The following FLT1 variants were observed in gnomAD, a reference collection of about 807,000 sequenced individuals.
The protein encoded by FLT1 is vascular endothelial growth factor receptor 1.
FLT1 carries 49 observed loss-of-function variants against 156.3 expected under a neutral mutation model. The observed-to-expected ratio is 0.31, with a 90% CI of 0.25 to 0.40. The LOEUF is 0.40. FLT1 is among the 10% of genes least tolerant of loss of function. The pLI is 1.00. For missense variants in FLT1, 1,322 were observed against 1,637.2 expected, an observed-to-expected ratio of 0.81 and a Z score of 3.32; for synonymous variants, 594 against 583.8, an observed-to-expected ratio of 1.02 and a Z score of -0.25.
At chr13:28,436,591 C>T (rs945556525) in intron 4 of FLT1, among the ~76,000 whole-genome samples, 5 of 152,128 alleles carry the variant, frequency 3.3e-5, no homozygotes, top group East Asian at 1.9e-4. Flanking sequence ...TCTGCATTAG[C>T]GCTCCCATGA....
Position 28,357,868 on chromosome 13 carries a change from C to CTTTT in FLT1, c.2117-187_2117-184dup, listed in dbSNP as rs57304530. On this transcript the variant is annotated intron_variant, in intron 14 of 29. Coordinates refer to ENST00000282397, the MANE Select transcript of FLT1 (RefSeq NM_002019.4). ...CCAGGCTTTCTTTTTCTTTTCTTTCCTTTTTTTTTTTTTTTTTTTTTCTGC... is the reference window on the plus strand; with the variant it reads ...CCAGGCTTTCTTTTTCTTTTCTTTCCTTTTTTTTTTTTTTTTTTTTTTTTTCTGC... Among the ~76,000 whole-genome samples, 996 of 104,702 alleles carry CTTTT rather than the reference C, an allele frequency of 9.5e-3. 43 individuals carry two copies. Among genetic ancestry groups the CTTTT allele is most frequent in the African/African-American group, 0.031 (832 of 26,952 alleles). 68.7% of individuals were successfully genotyped at this position (104,702 alleles called of 152,430 possible).
In FLT1 at chr13:28,399,176, A is replaced by G. The variant is rs566893223; in HGVS notation, c.1552-2108T>C. On this transcript the variant is annotated intron_variant, in intron 11 of 29. Coordinates refer to ENST00000282397, the MANE Select transcript of FLT1 (RefSeq NM_002019.4). ...CTGACTCCCTTACATTGTCTCAGGA[A>G]GCTTAGACCCTTCAAAGCAGTATGC... 991 of 1,228,756 alleles carry G rather than the reference A, an allele frequency of 8.1e-4. 17 individuals are homozygous for G. In the South Asian group the frequency reaches 0.013, roughly 16 times the overall value. 76.1% of individuals were successfully genotyped at this position (1,228,756 alleles called of 1,614,324 possible).
intron 11 of FLT1, among the ~76,000 whole-genome samples, chr13:28,401,111 A>G (rs1875406373): frequency 6.6e-6 from 1 of 152,190 alleles, no homozygotes; most frequent in African/African-American, 2.4e-5. Flanking sequence ...CTGTAGTCCC[A>G]GCTACTTGGG....
At chr13:28,435,179 T>C (rs1049007108) in intron 4 of FLT1, among the ~76,000 whole-genome samples, 2 of 152,204 alleles carry the variant, frequency 1.3e-5, no homozygotes, top group African/African-American at 4.8e-5. Flanking sequence ...CTGCTGATGG[T>C]GAAGGCAGCC....
At chr13:28,435,192 G>A (rs538362510) in intron 4 of FLT1, among the ~76,000 whole-genome samples, 5 of 152,292 alleles carry the variant, frequency 3.3e-5, no homozygotes, top group African/African-American at 9.6e-5. Context: ...AGGCAGCCTC[G>A]GAGGCCAGAG....
chr13:28,454,949 T>C lies in FLT1; in HGVS notation c.388+11954A>G, dbSNP rs1231114594. Among the ~76,000 whole-genome samples the C allele has an allele frequency of 2.0e-5, 3 of 152,224 alleles. No homozygotes were observed. The East Asian group carries it at 5.8e-4, about 29-fold the overall frequency. On this transcript the variant is annotated intron_variant, in intron 3 of 29. Transcript: ENST00000282397. ...CTAGACATAAGTCTATCAAAATATATATAAGAATCTATATGTATGAGGAAA... is the reference window on the plus strand; with the variant it reads ...CTAGACATAAGTCTATCAAAATATACATAAGAATCTATATGTATGAGGAAA...
intron 8 of FLT1, among the ~76,000 whole-genome samples, chr13:28,429,448 GT>G (rs1277711508): frequency 6.6e-6 from 1 of 152,148 alleles, no homozygotes; most frequent in East Asian, 1.9e-4. Flanking sequence ...AGATTACATT[GT>G]TTTACATCAG....
At chr13:28,431,514 T>C (rs1175468965) in intron 6 of FLT1, among the ~76,000 whole-genome samples, 3 of 152,216 alleles carry the variant, frequency 2.0e-5, no homozygotes, top group Admixed American at 6.5e-5. Context: ...GCAGGATTTA[T>C]TTAGCACTTA....
chr13:28,375,544 A>G (rs1338887865), intron 14 of FLT1, among the ~76,000 whole-genome samples: 1 of 152,054 alleles, frequency 6.6e-6, no homozygotes, highest in African/African-American at 2.4e-5. Context: ...CCTTTCTTCT[A>G]CCTCCTAAAA....
intron 15 of FLT1, among the ~76,000 whole-genome samples, chr13:28,347,648 G>A (rs1872612013): frequency 6.6e-6 from 1 of 152,328 alleles, no homozygotes; most frequent in Non-Finnish European, 1.5e-5. Flanking sequence ...AAAGGCTGCA[G>A]GCAGTTGGAG....
chr13:28,481,164 T>A (rs1880818375), intron 1 of FLT1, among the ~76,000 whole-genome samples: 1 of 152,198 alleles, frequency 6.6e-6, no homozygotes, highest in African/African-American at 2.4e-5. Context: ...TCTGTGCTGT[T>A]TGGGAACCTA....
At chr13:28,358,264 A>T (rs564920637) in intron 14 of FLT1, among the ~76,000 whole-genome samples, 1 of 152,336 alleles carries the variant, frequency 6.6e-6, no homozygotes, top group East Asian at 1.9e-4. Flanking sequence ...TTCATTTGTC[A>T]TAAGGCCTGG....
intron 11 of FLT1, among the ~76,000 whole-genome samples, chr13:28,400,385 A>C (rs1042434810): frequency 2.6e-5 from 4 of 152,260 alleles, no homozygotes; most frequent in East Asian, 1.9e-4. Flanking sequence ...AATAAGGTGA[A>C]ACATATCCTA....
At chr13:28,333,992 G>A (rs373340866) in intron 18 of FLT1, 33 bp downstream of exon 18, 11 of 1,274,028 alleles carry the variant, frequency 8.6e-6, no homozygotes, top group Non-Finnish European at 1.3e-5. Context: ...AATGGTGATG[G>A]GTCAGTTGAA....
chr13:28,367,734 C>G, intron 14 of FLT1, among the ~76,000 whole-genome samples: 1 of 152,226 alleles, frequency 6.6e-6, no homozygotes, highest in Non-Finnish European at 1.5e-5. Flanking sequence ...GCTTGTTGCT[C>G]TCCTAAATGG....
intron 1 of FLT1, among the ~76,000 whole-genome samples, 159 bp downstream of exon 1, chr13:28,494,621 G>A (rs61763167): frequency 3.9e-4 from 59 of 152,274 alleles, no homozygotes; most frequent in African/African-American, 1.3e-3. Flanking sequence ...GGCCCCAAGC[G>A]TGCCCGCTGC....
chr13:28,383,983 C>A (rs1047186211), intron 14 of FLT1, among the ~76,000 whole-genome samples: 1 of 152,182 alleles, frequency 6.6e-6, no homozygotes, highest in South Asian at 2.1e-4. Context: ...GTGCTGGAAC[C>A]AATTTCCCAC....
intron 23 of FLT1, among the ~76,000 whole-genome samples, chr13:28,321,069 C>T (rs138653311): frequency 6.6e-6 from 1 of 152,290 alleles, no homozygotes; most frequent in South Asian, 2.1e-4. Flanking sequence ...ACAGATACAC[C>T]TGCTGAATCA....
In FLT1 at chr13:28,306,583, T is replaced by C. The variant is rs987873269; in HGVS notation, c.3815+95A>G. On this transcript the variant is annotated intron_variant, in intron 29 of 29. Transcript: ENST00000282397. ...GGATACCACAGTTCAGGAGGGCAAG[T>C]AGTCCTCAAACATCCCTCATTATAC... 1.1e-5 allele frequency: 10 copies of C among 881,432 alleles called. No individual in the cohort carries two copies. In the South Asian group the frequency reaches 1.2e-4, roughly 11 times the overall value. 54.6% of individuals were successfully genotyped at this position (881,432 alleles called of 1,614,324 possible). A position where few individuals can be genotyped will look rare whatever the true frequency, so the allele number is the denominator to read the frequency against.
Sources: allele counts gnomAD v4.1 joint callset (sites outside exome capture counted in the v4.1 genomes callset), GRCh38; gene constraint gnomAD v4.1.1; transcripts MANE v1.5; gene names NCBI Gene and HGNC (gene_info 2026-07-23, HGNC 2026-07-21).